Variants in TPCN2 observed in about 807,000 individuals in gnomAD.
The protein encoded by TPCN2 is two pore segment channel 2, also known as two pore channel protein 2.
A neutral mutation model predicts 111.4 loss-of-function variants in TPCN2; 92 were observed. That is an observed-to-expected ratio of 0.83 (90% CI 0.70 to 0.98). TPCN2 has a LOEUF of 0.98. Among genes scored for constraint, TPCN2 ranks in the 50% least tolerant of loss-of-function variants. TPCN2 has a pLI of 0.00. For missense variants in TPCN2, 995 were observed against 980.1 expected (o/e 1.02, Z -0.20); for synonymous variants, 405 against 414.5 (o/e 0.98, Z 0.28).
chr11:69,071,564 G>A, intron 10 of TPCN2, 144 bp downstream of exon 10: 1 of 717,298 alleles, frequency 1.4e-6, no homozygotes, highest in South Asian at 1.6e-5. Flanking sequence ...TTGTGGATCA[G>A]CCGGGGATGC....
intron 1 of TPCN2, among the ~76,000 whole-genome samples, chr11:69,051,802 C>A (rs1861240026): frequency 6.6e-6 from 1 of 151,950 alleles, no homozygotes; most frequent in Admixed American, 6.6e-5. Context: ...GAAGCAGCAG[C>A]CTGAGTAAAG....
intron 19 of TPCN2, 50 bp from the exon 20 acceptor site, chr11:69,085,160 G>A (rs1179620053): frequency 2.6e-6 from 4 of 1,536,602 alleles, no homozygotes; most frequent in East Asian, 4.5e-5. Flanking sequence ...GGGTGGTGGT[G>A]GGTGCACCCA....
intron 13 of TPCN2, among the ~76,000 whole-genome samples, chr11:69,077,126 A>G (rs1302873753): frequency 3.5e-4 from 28 of 79,262 alleles, no homozygotes; most frequent in Admixed American, 7.0e-4. Flanking sequence ...CCCTCCTGCC[A>G]TGTCCCTCCA....
Position 69,088,060 on chromosome 11 carries a change from A to G in TPCN2, c.*107A>G. On this transcript the variant is annotated 3_prime_UTR_variant, in exon 25 of 25. Transcript: ENST00000294309. Reference sequence around the variant, plus strand: ...GCTGTGGCCAGCCAGGCAGGAAGAGACCTTTCCTCTGACGGACCACTAAGC... The same window carrying G: ...GCTGTGGCCAGCCAGGCAGGAAGAGGCCTTTCCTCTGACGGACCACTAAGC... The G allele has an allele frequency of 4.2e-6, 4 of 958,854 alleles. No individual in the cohort carries two copies. Among genetic ancestry groups the G allele is most frequent in the Middle Eastern group, 3.2e-4 (1 of 3,110 alleles). The allele number at this position is 958,854 out of a possible 1,614,324, so 59.4% of individuals were successfully genotyped here. A position where few individuals can be genotyped will look rare whatever the true frequency, so the allele number is the denominator to read the frequency against.
At chr11:69,061,729 A>G (rs1453249490) in intron 5 of TPCN2, among the ~76,000 whole-genome samples, 2 of 151,792 alleles carry the variant, frequency 1.3e-5, no homozygotes, top group Non-Finnish European at 2.9e-5. Context: ...AGGGGAGTGA[A>G]TGGAGGGGAG....
chr11:69,050,215 T>A (rs1454419611), intron 1 of TPCN2, among the ~76,000 whole-genome samples: 1 of 152,322 alleles, frequency 6.6e-6, no homozygotes, highest in Non-Finnish European at 1.5e-5. Flanking sequence ...AGGTGCTTCC[T>A]GGGACCAGTC....
At chr11:69,085,338 G>T in intron 20 of TPCN2, 52 bp downstream of exon 20, 2 of 1,448,234 alleles carry the variant, frequency 1.4e-6, no homozygotes, top group South Asian at 2.3e-5. Flanking sequence ...TGCTGGGGTG[G>T]GCGGGAAGCC....
At position 69,085,682 on chromosome 11, in the gene TPCN2, C is replaced by G; in HGVS notation, c.1850C>G (p.Ala617Gly). Residue 617 changes from alanine (A) to glycine (G), a missense_variant, in exon 21 of 25, where the codon GCC (alanine) becomes GGC (glycine). Ala to Gly is a moderately conservative substitution (Grantham distance 60). Coordinates refer to ENST00000294309, the MANE Select transcript of TPCN2 (RefSeq NM_139075.4). ...GTTGTGTTCCCCAGCCTGGCCCCTG[C>G]CAATGGCTCGGCGCCCTGTGGGAGC... is the stretch of plus-strand genomic sequence containing the variant. ...ALPGNSSLAP[A>G]NGSAPCGSFE... 6.2e-7 allele frequency: 1 copy of G among 1,613,156 alleles called. No homozygotes were observed. The highest frequency in any genetic ancestry group is 8.5e-7 in the Non-Finnish European group (1 of 1,179,224).
At position 69,078,547 on chromosome 11, in the gene TPCN2, C is replaced by T. The variant is rs35398830; in HGVS notation, c.1296C>T (p.Tyr432=). ...LQSAQFLFGH[Y]YFDYLGNLIA... is the part of the protein sequence containing the mutation. ...GCGCCCAGTTCCTCTTCGGCCACTA[C>T]TACTTTGACTACCTGGGGAACCTCA... is the stretch of plus-strand genomic sequence containing the variant. The change falls in exon 14 of 25, where the codon TAC becomes TAT. Residue 432 remains tyrosine, a synonymous_variant. Transcript: ENST00000294309. The T allele has an allele frequency of 1.5e-3, 2,447 of 1,614,148 alleles. 47 individuals are homozygous for T. In the African/African-American group the frequency reaches 0.029, roughly 19 times the overall value.
In TPCN2 at chr11:69,089,070, G is replaced by C. The variant is rs1856372997; in HGVS notation, c.*1117G>C. On this transcript the variant is annotated 3_prime_UTR_variant, in exon 25 of 25. Transcript: ENST00000294309. ...CCCTGCACTGTGCATTCTCGCCTGG[G>C]AGGCACAAGTTCTTTCATCTGCTTT... The C allele has an allele frequency of 6.6e-6, 1 of 152,288 alleles. No homozygotes were observed. The highest frequency in any genetic ancestry group is 1.5e-5 in the Non-Finnish European group (1 of 68,096). 9.4% of individuals were successfully genotyped at this position (152,288 alleles called of 1,614,324 possible).
rs376697315 is a variant in TPCN2 at position 69,054,805 on chromosome 11, C to T, written c.251+8C>T. On this transcript the variant is annotated splice_region_variant and intron_variant, in intron 3 of 24. Coordinates refer to ENST00000294309, the MANE Select transcript of TPCN2 (RefSeq NM_139075.4). ...CTCGAACGTATGCCAACGGTGAGAA[C>T]GCACCCATGTGGAACTCAGGGTTCC... is the stretch of plus-strand genomic sequence containing the variant. The T allele has an allele frequency of 3.2e-4, 519 of 1,613,260 alleles. No individual in the cohort carries two copies. The highest frequency in any genetic ancestry group is 4.0e-4 in the Non-Finnish European group (466 of 1,179,506).
chr11:69,072,035 G>C lies in TPCN2; in HGVS notation c.1061+12G>C. The C allele has an allele frequency of 6.2e-7, 1 of 1,605,824 alleles. No homozygotes were observed. The highest frequency in any genetic ancestry group is 8.5e-7 in the Non-Finnish European group (1 of 1,173,726). On this transcript the variant is annotated intron_variant, in intron 11 of 24. Coordinates refer to ENST00000294309, the MANE Select transcript of TPCN2 (RefSeq NM_139075.4). Reference sequence around the variant, plus strand: ...GCCTTCCCTCAGGCGTGAGTGCTGGGCATGGACCCTCTTCTCCCTGAGGGT... The same window carrying C: ...GCCTTCCCTCAGGCGTGAGTGCTGGCCATGGACCCTCTTCTCCCTGAGGGT...
chr11:69,086,569 A>G lies in TPCN2; in HGVS notation c.2050A>G (p.Ile684Val). The change falls in exon 23 of 25, where the codon ATC becomes GTC. Residue 684 changes from isoleucine to valine, a missense_variant. Physicochemically the swap from Ile to Val is conservative, Grantham distance 29 (BLOSUM62 3). Transcript: ENST00000294309. ...FVLWWLVSSV[I>V]WVNLFLALIL... ...ATTGTGGTGGCTGGTGTCGTCTGTC[A>G]TCTGGGTCAACCTGTTTCTGGCCCT... 1 of 1,614,036 alleles carries G rather than the reference A, an allele frequency of 6.2e-7. No homozygotes were observed. Among genetic ancestry groups the G allele is most frequent in the African/African-American group, 1.3e-5 (1 of 74,986 alleles).
At chr11:69,075,443 T>C (rs1395282401) in intron 13 of TPCN2, among the ~76,000 whole-genome samples, 1 of 152,184 alleles carries the variant, frequency 6.6e-6, no homozygotes, top group Non-Finnish European at 1.5e-5. Flanking sequence ...AGTGGGAGTT[T>C]GGGGAATAAG....
At chr11:69,075,544 G>A (rs2034688) in intron 13 of TPCN2, among the ~76,000 whole-genome samples, 46 of 152,338 alleles carry the variant, frequency 3.0e-4, no homozygotes, top group African/African-American at 1.1e-3. Context: ...CGCAGAGCCC[G>A]CTGACGTGAA....
At chr11:69,068,346 G>A (rs1455388471) in intron 8 of TPCN2, among the ~76,000 whole-genome samples, 1 of 118,534 alleles carries the variant, frequency 8.4e-6, no homozygotes, top group African/African-American at 3.3e-5. Flanking sequence ...ACCGCACTGG[G>A]AGCAGGACCG....
At position 69,058,798 on chromosome 11, in the gene TPCN2, C is replaced by T. The variant is rs141439481; in HGVS notation, c.546+1104C>T. ...CAGCCTCCTCCCTGCAAAGGGAGAG[C>T]CTCTTGCGTGACTGCCCCAGCAAAG... On this transcript the variant is annotated intron_variant, in intron 5 of 24. Coordinates refer to ENST00000294309, the MANE Select transcript of TPCN2 (RefSeq NM_139075.4). Among the ~76,000 whole-genome samples the T allele has an allele frequency of 6.6e-5, 10 of 152,396 alleles. No individual in the cohort carries two copies. The East Asian group carries it at 1.9e-3, about 29-fold the overall frequency.
chr11:69,086,036 C>A, intron 22 of TPCN2, 106 bp downstream of exon 22: 1 of 1,158,868 alleles, frequency 8.6e-7, no homozygotes, highest in Non-Finnish European at 1.3e-6. Context: ...GTGGCTGGGA[C>A]GGGGACTCGG....
At chr11:69,057,444 C>A (rs1248481148) in intron 4 of TPCN2, 134 bp from the exon 5 acceptor site, 13 of 820,316 alleles carry the variant, frequency 1.6e-5, no homozygotes, top group Non-Finnish European at 2.7e-5. Flanking sequence ...TGCTCTGCGT[C>A]CCGTGGGGAC....
Sources: gnomAD v4.1 joint callset for allele counts (sites outside exome capture counted in the v4.1 genomes callset) on GRCh38, gnomAD v4.1.1 for gene constraint, MANE v1.5 for transcripts, NCBI Gene and HGNC (gene_info 2026-07-23, HGNC 2026-07-21) for gene names.